Variants in PTPRD observed in about 807,000 individuals in gnomAD.
PTPRD encodes the protein protein tyrosine phosphatase receptor type D, also known as receptor-type tyrosine-protein phosphatase delta.
In PTPRD, 34 loss-of-function variants were observed where a neutral mutation model predicts 214.5. The observed-to-expected ratio is 0.16, with a 90% confidence interval of 0.12 to 0.21. The LOEUF (loss-of-function observed/expected upper bound fraction) is 0.21. PTPRD is among the 10% of genes least tolerant of loss of function. The probability of loss-of-function intolerance (pLI) is 1.00; values close to 1 mark genes in which losing one functional copy is unlikely to be tolerated. For missense variants in PTPRD, 2,545 were observed against 2,398.7 expected (o/e 1.06, Z -1.27); for synonymous variants, 1,128 against 845.7 (o/e 1.33, Z -5.79).
intron 39 of PTPRD, among the ~76,000 whole-genome samples, chr9:8,344,854 C>T (rs1235291585): frequency 6.6e-6 from 1 of 151,166 alleles, no homozygotes; most frequent in Non-Finnish European, 1.5e-5. Flanking sequence ...CGTTAATTTT[C>T]TAGTGAGTCT....
chr9:10,163,792 T>C (rs1461185808), intron 3 of PTPRD, among the ~76,000 whole-genome samples: 1 of 151,478 alleles, frequency 6.6e-6, no homozygotes, highest in Non-Finnish European at 1.5e-5. Flanking sequence ...GCTATTTTCA[T>C]GCAGGTTAAT....
intron 4 of PTPRD, among the ~76,000 whole-genome samples, chr9:9,999,076 C>G (rs983387030): frequency 1.3e-5 from 2 of 152,110 alleles, no homozygotes; most frequent in African/African-American, 2.4e-5. Context: ...AAGGCATTAG[C>G]ACAACTAGCA....
chr9:9,980,414 C>T (rs886709457), intron 4 of PTPRD, among the ~76,000 whole-genome samples: 2 of 151,598 alleles, frequency 1.3e-5, no homozygotes, highest in Admixed American at 6.6e-5. Flanking sequence ...TCAAGACCAT[C>T]CTGGCCAACT....
At chr9:8,957,098 A>G (rs2154313581) in intron 11 of PTPRD, among the ~76,000 whole-genome samples, 1 of 151,960 alleles carries the variant, frequency 6.6e-6, no homozygotes, top group East Asian at 1.9e-4. Context: ...TCAGTAGTCA[A>G]ATCCTTTCCT....
intron 9 of PTPRD, among the ~76,000 whole-genome samples, chr9:9,210,427 T>A (rs1281497494): frequency 6.6e-6 from 1 of 152,240 alleles, no homozygotes; most frequent in Non-Finnish European, 1.5e-5. Flanking sequence ...TGAAAATTTC[T>A]TAATTTGCCA....
intron 2 of PTPRD, among the ~76,000 whole-genome samples, chr9:10,484,951 G>C (rs1041890939): frequency 1.3e-5 from 2 of 151,938 alleles, no homozygotes; most frequent in South Asian, 2.1e-4. Flanking sequence ...ATGTCCCAGA[G>C]AGTTTCTCTA....
chr9:10,134,078 G>A (rs1253403107), intron 3 of PTPRD, among the ~76,000 whole-genome samples: 1 of 152,072 alleles, frequency 6.6e-6, no homozygotes, highest in Non-Finnish European at 1.5e-5. Context: ...GGCCATGGGT[G>A]CCATCCCTGC....
chr9:9,039,544 G>T (rs2099632761), intron 10 of PTPRD, among the ~76,000 whole-genome samples: 1 of 152,124 alleles, frequency 6.6e-6, no homozygotes, highest in Admixed American at 6.6e-5. Context: ...ATTGCCATTT[G>T]TTTACATGCT....
intron 10 of PTPRD, among the ~76,000 whole-genome samples, chr9:9,155,502 T>A (rs78096840): frequency 5.9e-5 from 9 of 152,246 alleles, no homozygotes; most frequent in Non-Finnish European, 1.2e-4. Flanking sequence ...AATTATAAGA[T>A]TGATTGATGT....
intron 8 of PTPRD, among the ~76,000 whole-genome samples, chr9:9,495,822 G>A (rs2096155808): frequency 1.3e-5 from 2 of 152,160 alleles, no homozygotes; most frequent in Non-Finnish European, 2.9e-5. Flanking sequence ...ACTGGCAGAG[G>A]GCAGCCACCC....
At chr9:10,407,947 G>A (rs1217311968) in intron 2 of PTPRD, among the ~76,000 whole-genome samples, 4 of 151,374 alleles carry the variant, frequency 2.6e-5, no homozygotes, top group African/African-American at 4.8e-5. Context: ...GGAAGAAGGC[G>A]ATGATTTCTC....
chr9:9,780,067 A>G (rs1341047961), intron 5 of PTPRD, among the ~76,000 whole-genome samples: 1 of 152,240 alleles, frequency 6.6e-6, no homozygotes, highest in East Asian at 1.9e-4. Context: ...ACACCATGGA[A>G]TAATATGCAG....
intron 3 of PTPRD, among the ~76,000 whole-genome samples, chr9:10,066,799 G>T (rs920813670): frequency 6.6e-6 from 1 of 151,740 alleles, no homozygotes; most frequent in Non-Finnish European, 1.5e-5. Context: ...TTTGCTTCTG[G>T]ATTGTTGCTG....
chr9:10,316,144 CATATGTATATATGTATATCTATGTAT>C (rs1171867587), intron 3 of PTPRD, among the ~76,000 whole-genome samples: 1 of 141,572 alleles, frequency 7.1e-6, no homozygotes, highest in Non-Finnish European at 1.5e-5. Context: ...TATACACATA[CATATGTATATATGTATATCTATGTAT>C]ATATACATAG....
chr9:10,256,093 A>C (rs142563977), intron 3 of PTPRD, among the ~76,000 whole-genome samples: 119 of 152,344 alleles, frequency 7.8e-4, no homozygotes, highest in East Asian at 5.0e-3. Flanking sequence ...TGTGCTCTTT[A>C]TAAGAATTTA....
intron 4 of PTPRD, among the ~76,000 whole-genome samples, chr9:9,976,713 T>C (rs3955136): frequency 8.2e-6 from 1 of 122,098 alleles, no homozygotes; most frequent in African/African-American, 3.2e-5. Flanking sequence ...AAAAAAAAAA[T>C]TTACTTTTTT....
chr9:9,931,587 G>A (rs371615888), intron 5 of PTPRD, among the ~76,000 whole-genome samples: 1 of 152,050 alleles, frequency 6.6e-6, no homozygotes, highest in Non-Finnish European at 1.5e-5. Context: ...TGCCCACGGA[G>A]TCTCGCTGAT....
intron 3 of PTPRD, among the ~76,000 whole-genome samples, chr9:10,165,968 T>C (rs909738371): frequency 6.6e-6 from 1 of 150,466 alleles, no homozygotes; most frequent in African/African-American, 2.4e-5. Flanking sequence ...CTATGTATTA[T>C]GTAAACATAT....
intron 8 of PTPRD, among the ~76,000 whole-genome samples, chr9:9,489,474 G>C (rs2095808167): frequency 6.6e-6 from 1 of 152,114 alleles, no homozygotes. Flanking sequence ...TTATAACAAA[G>C]TCTTAAACAT....
Sources: allele counts gnomAD v4.1 joint callset (sites outside exome capture counted in the v4.1 genomes callset), GRCh38; gene constraint gnomAD v4.1.1; transcripts MANE v1.5; gene names NCBI Gene and HGNC (gene_info 2026-07-23, HGNC 2026-07-21).